The following PIAS4 variants were observed in gnomAD, a reference collection of about 807,000 sequenced individuals.
The protein encoded by PIAS4 is E3 SUMO-protein ligase PIAS4.
A neutral mutation model predicts 58.0 loss-of-function variants in PIAS4; 7 were observed. That is an observed-to-expected ratio of 0.12 (90% CI 0.07 to 0.23). PIAS4 has a LOEUF of 0.23. Among genes scored for constraint, PIAS4 ranks in the 10% least tolerant of loss-of-function variants. PIAS4 has a pLI of 1.00. For missense variants in PIAS4, 550 were observed against 709.5 expected (o/e 0.78, Z 2.55); for synonymous variants, 364 against 312.4 (o/e 1.17, Z -1.74).
At chr19:4,018,259 TGCTTGCCGCCTTCTCC>T (rs1193359451) in intron 2 of PIAS4, among the ~76,000 whole-genome samples, 1 of 152,166 alleles carries the variant, frequency 6.6e-6, no homozygotes, top group East Asian at 1.9e-4. Flanking sequence ...ACCGGGCCGG[TGCTTGCCGCCTTCTCC>T]CTTTGCATGT....
At chr19:4,020,168 G>C (rs1010629641) in intron 2 of PIAS4, among the ~76,000 whole-genome samples, 1 of 152,202 alleles carries the variant, frequency 6.6e-6, no homozygotes, top group South Asian at 2.1e-4. Context: ...CGACTGCCTC[G>C]GCCTCCCAAA....
At chr19:4,035,260 G>A (rs1402679450) in intron 9 of PIAS4, among the ~76,000 whole-genome samples, 1 of 152,120 alleles carries the variant, frequency 6.6e-6, no homozygotes, top group Non-Finnish European at 1.5e-5. Context: ...GCGGGTGCCT[G>A]GGAGCAGCTG....
rs955057833 is a variant in PIAS4 at position 4,013,488 on chromosome 19, G to T, written c.454+139G>T. The T allele has an allele frequency of 2.9e-6, 2 of 700,578 alleles. No individual in the cohort carries two copies. The highest frequency in any genetic ancestry group is 4.7e-6 in the Non-Finnish European group (2 of 423,220). 43.4% of individuals were successfully genotyped at this position (700,578 alleles called of 1,614,324 possible). A position where few individuals can be genotyped will look rare whatever the true frequency, so the allele number is the denominator to read the frequency against. Reference sequence around the variant, plus strand: ...GCGGGGAGCCACAGTGGCCAGGGGTGTCCTTCCTCGGAAGCAAAGGGACCA... The same window carrying T: ...GCGGGGAGCCACAGTGGCCAGGGGTTTCCTTCCTCGGAAGCAAAGGGACCA... On this transcript the variant is annotated intron_variant, in intron 2 of 10. Transcript: ENST00000262971. This position sits in a 1 kb window ranked among gnomAD's most constrained non-coding sequence, Gnocchi z 5.1.
chr19:4,014,219 TTGTC>T (rs988629883), intron 2 of PIAS4, among the ~76,000 whole-genome samples: 4 of 152,236 alleles, frequency 2.6e-5, no homozygotes, highest in African/African-American at 9.6e-5. Flanking sequence ...TCTCGTGTCT[TTGTC>T]TGCAAGCACT....
intron 2 of PIAS4, among the ~76,000 whole-genome samples, chr19:4,014,144 C>T (rs1004455272): frequency 5.3e-5 from 8 of 152,304 alleles, no homozygotes; most frequent in East Asian, 3.9e-4. Flanking sequence ...CTGTGTGCAC[C>T]GGGCGTGCTG....
At position 4,037,957 on chromosome 19, in the gene PIAS4, C is replaced by G; in HGVS notation, c.*82C>G. ...CCTCGGGCGCAGAGGGAGGAGTGAC[C>G]TTTCTTTTTCTTTTTATTGTCGTTC... On this transcript the variant is annotated 3_prime_UTR_variant, in exon 11 of 11. Coordinates refer to ENST00000262971, the MANE Select transcript of PIAS4 (RefSeq NM_015897.4). This position sits in a 1 kb window ranked among gnomAD's most constrained non-coding sequence, Gnocchi z 5.8. The G allele has an allele frequency of 7.2e-7, 1 of 1,387,012 alleles. No individual in the cohort carries two copies. The highest frequency in any genetic ancestry group is 9.6e-7 in the Non-Finnish European group (1 of 1,037,416). The allele number at this position is 1,387,012 out of a possible 1,614,324, so 85.9% of individuals were successfully genotyped here.
At chr19:4,025,091 A>G (rs2040149453) in intron 3 of PIAS4, among the ~76,000 whole-genome samples, 1 of 152,186 alleles carries the variant, frequency 6.6e-6, no homozygotes, top group Admixed American at 6.5e-5. Flanking sequence ...CAGTTATATA[A>G]TGAATACGGG....
chr19:4,010,193 C>T (rs1381042118), intron 1 of PIAS4, among the ~76,000 whole-genome samples: 2 of 152,194 alleles, frequency 1.3e-5, no homozygotes, highest in East Asian at 1.9e-4. Context: ...TGCTTGTCCC[C>T]CCCGCACTCC....
intron 2 of PIAS4, chr19:4,017,720 C>T (rs1216016246): frequency 7.2e-6 from 1 of 139,738 alleles, no homozygotes; most frequent in Non-Finnish European, 1.5e-5. Flanking sequence ...CTGACTGTCG[C>T]CCGTGCTGGA....
rs111928159 is a variant in PIAS4, at chr19:4,013,265, G to A, written c.370G>A (p.Ala124Thr). 53 of 1,613,296 alleles carry A rather than the reference G, an allele frequency of 3.3e-5. No individual in the cohort carries two copies. Among genetic ancestry groups the A allele is most frequent in the African/African-American group, 2.8e-4 (21 of 75,036 alleles). The change falls in exon 2 of 11, where the codon GCC becomes ACC. Residue 124 changes from alanine (A) to threonine (T), a missense_variant. Physicochemically the swap from Ala to Thr is moderately conservative, Grantham distance 58. Around this residue, in one of 4 missense-constraint regions of PIAS4, gnomAD observed 95 missense variants for 87.5 expected, o/e 1.09. Coordinates refer to ENST00000262971, the MANE Select transcript of PIAS4 (RefSeq NM_015897.4). The surrounding 1 kb of genome is among the most constrained non-coding windows in gnomAD (Gnocchi z 5.1). Reference protein sequence around the residue: ...KYLNGLGRLPAKTLKPEVRLV... With the variant: ...KYLNGLGRLPTKTLKPEVRLV... ...CTTAAACGGACTGGGACGGTTGCCC[G>A]CCAAGACCCTCAAGCCAGAAGTCCG...
At chr19:4,008,863 G>T (rs2039967485) in intron 1 of PIAS4, among the ~76,000 whole-genome samples, 1 of 147,500 alleles carries the variant, frequency 6.8e-6, no homozygotes, top group Non-Finnish European at 1.5e-5. Context: ...ATTCTCTTTT[G>T]TTGATCTCTG....
Position 4,037,333 on chromosome 19 carries a change from G to GTT in PIAS4, c.1143-41_1143-40insTT. ...GAGGGCTGGGGAGTTGGGGGGGTGG[G>GTT]GCACCTCCAGCCCCGGCGTCAGCTG... On this transcript the variant is annotated intron_variant, in intron 9 of 10. Transcript: ENST00000262971. This position sits in a 1 kb window ranked among gnomAD's most constrained non-coding sequence, Gnocchi z 5.8. The GTT allele has an allele frequency of 6.4e-7, 1 of 1,563,318 alleles. No individual in the cohort carries two copies.
chr19:4,012,869 T>C, intron 1 of PIAS4, 54 bp from the exon 2 acceptor site: 1 of 1,533,810 alleles, frequency 6.5e-7, no homozygotes, highest in East Asian at 2.3e-5. Context: ...CTCCATGGAG[T>C]CCCCTGCCTC....
intron 7 of PIAS4, among the ~76,000 whole-genome samples, chr19:4,030,283 ATGAAAACAATT>A (rs2040211180): frequency 6.8e-6 from 1 of 147,376 alleles, no homozygotes; most frequent in Non-Finnish European, 1.5e-5. Context: ...CCTTGTAACA[ATGAAAACAATT>A]TTTTTTAAGT....
chr19:4,023,344 T>C (rs2040129735), intron 2 of PIAS4, among the ~76,000 whole-genome samples: 1 of 151,680 alleles, frequency 6.6e-6, no homozygotes, highest in Non-Finnish European at 1.5e-5. Context: ...CCAGGCTTGG[T>C]GGCTATTCGG....
chr19:4,011,232 A>G (rs1393993147), intron 1 of PIAS4, among the ~76,000 whole-genome samples: 1 of 152,188 alleles, frequency 6.6e-6, no homozygotes, highest in Non-Finnish European at 1.5e-5. Flanking sequence ...AACACCCTTG[A>G]CGCTTGAGCT....
In PIAS4 at chr19:4,035,472, C is replaced by T. The variant is rs576720152; in HGVS notation, c.1142+1892C>T. 7.9e-5 allele frequency among the ~76,000 whole-genome samples: 12 copies of T among 152,278 alleles called. No individual in the cohort carries two copies. The East Asian group carries it at 1.3e-3, about 17-fold the overall frequency. ...GGCCTCAGGGAACTCGTTCCCTTCC[C>T]GAGCCTCTGTTTCTGCATTTGTAAA... On this transcript the variant is annotated intron_variant, in intron 9 of 10. Transcript: ENST00000262971.
rs1366727094 is a variant in PIAS4 at position 4,015,972 on chromosome 19, G to A, written c.454+2623G>A. On this transcript the variant is annotated intron_variant, in intron 2 of 10. Coordinates refer to ENST00000262971, the MANE Select transcript of PIAS4 (RefSeq NM_015897.4). ...TAGGTGATCGGCTCCAGTGGGAGGTGCCGTGTGTGGGGACGGGGCTGGCAC... is the reference window on the plus strand; with the variant it reads ...TAGGTGATCGGCTCCAGTGGGAGGTACCGTGTGTGGGGACGGGGCTGGCAC... 2.0e-5 allele frequency among the ~76,000 whole-genome samples: 3 copies of A among 152,192 alleles called. No individual in the cohort carries two copies. The East Asian group carries it at 5.8e-4, about 29-fold the overall frequency.
At chr19:4,009,760 T>C (rs1014203949) in intron 1 of PIAS4, among the ~76,000 whole-genome samples, 6 of 152,194 alleles carry the variant, frequency 3.9e-5, no homozygotes, top group Non-Finnish European at 8.8e-5. Context: ...TATTCATGGC[T>C]GCAGATTCTG....
Sources: gnomAD v4.1 joint callset for allele counts (sites outside exome capture counted in the v4.1 genomes callset) on GRCh38, gnomAD v4.1.1 for gene constraint, gnomAD v4.1.1 regional missense constraint, Gnocchi (gnomAD v3.1) non-coding constraint, MANE v1.5 for transcripts, NCBI Gene and HGNC (gene_info 2026-07-23, HGNC 2026-07-21) for gene names.